The following POLR3B variants were observed in gnomAD, a reference collection of about 807,000 sequenced individuals.
POLR3B encodes DNA-directed RNA polymerase III subunit RPC2.
A neutral mutation model predicts 147.4 loss-of-function variants in POLR3B; 96 were observed. The ratio of observed to expected loss-of-function variants is 0.65; its 90% confidence interval spans 0.55 to 0.77. The LOEUF is 0.77. Ranked by LOEUF, POLR3B falls within the 30% of genes least tolerant of loss-of-function variation. The pLI, the probability that POLR3B is intolerant of heterozygous loss-of-function variation, is 0.00. For synonymous variants in POLR3B, 461 were observed against 485.9 expected (o/e 0.95, Z 0.67); for missense variants, 1,036 against 1,413.5 (o/e 0.73, Z 4.28).
At position 106,457,150 on chromosome 12, in the gene POLR3B, G is replaced by C. The variant is rs2137030342; in HGVS notation, c.2306G>C (p.Cys769Ser). ...GGTTTCATTTTAGGCTTTGGGCGTT[G>C]CCTTGTATATAAAAATGCTAAATGT... The part of the protein sequence containing the change: ...KASLDRGFGR[C>S]LVYKNAKCTL... Residue 769 changes from cysteine to serine, a missense_variant, in exon 21 of 28, where the codon TGC becomes TCC. By Grantham distance (112) the Cys-to-Ser change is moderately radical. This residue lies in a region of POLR3B where 202 missense variants were observed against 272.8 expected (regional missense o/e 0.74). Transcript: ENST00000228347. 3.7e-6 allele frequency: 6 copies of C among 1,613,162 alleles called. No homozygotes were observed. Among genetic ancestry groups the C allele is most frequent in the Non-Finnish European group, 5.1e-6 (6 of 1,179,342 alleles).
chr12:106,405,085 A>T (rs1442914147), intron 10 of POLR3B, among the ~76,000 whole-genome samples: 1 of 152,008 alleles, frequency 6.6e-6, no homozygotes, highest in Non-Finnish European at 1.5e-5. Flanking sequence ...TCATTGATTT[A>T]TTTGTCTATC....
chr12:106,390,267 C>CT (rs1358475363), intron 9 of POLR3B, among the ~76,000 whole-genome samples: 2 of 94,918 alleles, frequency 2.1e-5, no homozygotes, highest in Admixed American at 1.1e-4. Flanking sequence ...AAACTCTCTC[C>CT]CCCCCCAGTT....
chr12:106,490,151 G>C (rs1248133286), intron 23 of POLR3B, among the ~76,000 whole-genome samples: 1 of 152,258 alleles, frequency 6.6e-6, no homozygotes, highest in East Asian at 1.9e-4. Flanking sequence ...TCCAACTAAA[G>C]CTTTGAAATT....
chr12:106,457,117 C>T, intron 20 of POLR3B, 21 bp from the exon 21 acceptor site: 1 of 1,607,118 alleles, frequency 6.2e-7, no homozygotes, highest in Non-Finnish European at 8.5e-7. Context: ...GGTTCTAATG[C>T]CCATCTTGGT....
At chr12:106,425,973 G>T (rs78264436) in intron 12 of POLR3B, among the ~76,000 whole-genome samples, 5,143 of 152,030 alleles carry the variant, frequency 0.034, 118 homozygotes, top group Non-Finnish European at 0.051. Flanking sequence ...CCATGATTTT[G>T]TGGTTAGTTA....
Position 106,432,486 on chromosome 12 carries a change from T to C in POLR3B, c.1627+6T>C. The C allele has an allele frequency of 1.2e-6, 2 of 1,607,834 alleles. No homozygotes were observed. Among genetic ancestry groups the C allele is most frequent in the South Asian group, 2.2e-5 (2 of 90,938 alleles). ...GTTTCTTGTCTTTCTTAATGGTGGG[T>C]ATATTATAGAGACATGTTGGTCCTA... is the stretch of plus-strand genomic sequence containing the variant. On this transcript the variant is annotated splice_donor_region_variant and intron_variant, in intron 15 of 27. Transcript: ENST00000228347.
rs117873765 is a variant in POLR3B at position 106,357,879 on chromosome 12, C to T, written c.-1C>T. 14,789 of 1,613,422 alleles carry T rather than the reference C, an allele frequency of 9.2e-3. 104 individuals carry two copies. The highest frequency in any genetic ancestry group is 0.011 in the Middle Eastern group (64 of 5,798). ...CTGTTTCTTCCTCCTTCGTGAGCAG[C>T]ATGGACGTGCTAGCGGAGGAGTTTG... On this transcript the variant is annotated 5_prime_UTR_variant, in exon 1 of 28. Coordinates refer to ENST00000228347, the MANE Select transcript of POLR3B (RefSeq NM_018082.6).
In POLR3B at chr12:106,364,430, T is replaced by G. The variant is rs143952227; in HGVS notation, c.105+528T>G. 3.8e-3 allele frequency among the ~76,000 whole-genome samples: 585 copies of G among 152,316 alleles called. 2 individuals are homozygous for G. The highest frequency in any genetic ancestry group is 6.9e-3 in the Non-Finnish European group (471 of 68,020). ...CAGTGAGAGACCACTTGGCACCCGC[T>G]AGGATAGCTATAATCAAAATCAAAT... On this transcript the variant is annotated intron_variant, in intron 2 of 27. Transcript: ENST00000228347.
chr12:106,467,209 A>T (rs563039011), intron 23 of POLR3B, among the ~76,000 whole-genome samples: 41 of 152,114 alleles, frequency 2.7e-4, no homozygotes, highest in Middle Eastern at 3.4e-3. Context: ...ATTCTCTTTG[A>T]AGCAATTGTG....
chr12:106,427,374 C>G lies in POLR3B; in HGVS notation c.1263+16C>G, dbSNP rs1339780328. Reference sequence around the variant, plus strand: ...TATTTCTACCGTAAGTCTTCAGTCACTCTTTTAGGATTTTGTAATTTATTT... The same window carrying G: ...TATTTCTACCGTAAGTCTTCAGTCAGTCTTTTAGGATTTTGTAATTTATTT... On this transcript the variant is annotated intron_variant, in intron 13 of 27. Coordinates refer to ENST00000228347, the MANE Select transcript of POLR3B (RefSeq NM_018082.6). The G allele has an allele frequency of 1.1e-5, 17 of 1,608,404 alleles. No homozygotes were observed. Among genetic ancestry groups the G allele is most frequent in the Middle Eastern group, 1.7e-4 (1 of 6,044 alleles).
chr12:106,376,502 T>A (rs2036681456), intron 7 of POLR3B, 52 bp downstream of exon 7: 1 of 1,239,412 alleles, frequency 8.1e-7, no homozygotes, highest in Non-Finnish European at 1.2e-6. Flanking sequence ...TTTATTCTGC[T>A]GCTGCTGTGG....
intron 13 of POLR3B, among the ~76,000 whole-genome samples, chr12:106,428,988 G>A (rs2037472724): frequency 1.3e-5 from 2 of 152,054 alleles, no homozygotes; most frequent in South Asian, 4.2e-4. Flanking sequence ...TTTTTAACCT[G>A]GGATCCACAA....
chr12:106,420,071 G>A (rs2037354762), intron 12 of POLR3B, among the ~76,000 whole-genome samples: 3 of 152,014 alleles, frequency 2.0e-5, no homozygotes, highest in Non-Finnish European at 2.9e-5. Flanking sequence ...TGTCACATTC[G>A]GTGGCTCAGG....
chr12:106,453,557 C>A (rs556500920), intron 19 of POLR3B, among the ~76,000 whole-genome samples: 1 of 152,048 alleles, frequency 6.6e-6, no homozygotes, highest in East Asian at 1.9e-4. Flanking sequence ...AAAAGAGATA[C>A]CTAGGAGAAG....
In POLR3B at chr12:106,463,605, C is replaced by T. The variant is rs755326914; in HGVS notation, c.2698C>T (p.Arg900Cys). 10 of 1,613,112 alleles carry T rather than the reference C, an allele frequency of 6.2e-6. No individual in the cohort carries two copies. Among genetic ancestry groups the T allele is most frequent in the Non-Finnish European group, 8.5e-6 (10 of 1,179,294 alleles). ...RPEIGDKFSSRHGQKGVCGLI... is the reference protein window; with the variant it reads ...RPEIGDKFSSCHGQKGVCGLI... ...AGAAATTGGAGACAAATTCAGCAGT[C>T]GTCATGGGCAAAAAGGTAAACTGTA... The change falls in exon 23 of 28, where the codon CGT becomes TGT. Residue 900 changes from arginine to cysteine, a missense_variant. Transcript: ENST00000228347.
intron 12 of POLR3B, among the ~76,000 whole-genome samples, chr12:106,417,272 C>T (rs756073755): frequency 5.3e-5 from 8 of 152,052 alleles, no homozygotes; most frequent in African/African-American, 1.4e-4. Context: ...TCCTAAGGCA[C>T]GAATGAATTT....
chr12:106,374,032 A>G (rs1367663153), intron 6 of POLR3B, among the ~76,000 whole-genome samples: 4 of 152,026 alleles, frequency 2.6e-5, no homozygotes, highest in Non-Finnish European at 5.9e-5. Flanking sequence ...TAAAAGTCAT[A>G]TACAGTATTT....
At chr12:106,472,439 C>G (rs1413881032) in intron 23 of POLR3B, among the ~76,000 whole-genome samples, 1 of 148,144 alleles carries the variant, frequency 6.8e-6, no homozygotes, top group Non-Finnish European at 1.5e-5. Context: ...AATCGCCACA[C>G]TGACTTCCAC....
At chr12:106,375,765 C>T (rs928184065) in intron 6 of POLR3B, among the ~76,000 whole-genome samples, 11 of 152,198 alleles carry the variant, frequency 7.2e-5, no homozygotes, top group Non-Finnish European at 1.6e-4. Flanking sequence ...TGATGAGAAT[C>T]ACTTTGTCTT....
Sources: gnomAD v4.1 joint callset for allele counts (sites outside exome capture counted in the v4.1 genomes callset) on GRCh38, gnomAD v4.1.1 for gene constraint, gnomAD v4.1.1 regional missense constraint, MANE v1.5 for transcripts, NCBI Gene and HGNC (gene_info 2026-07-23, HGNC 2026-07-21) for gene names.